BMPR2: variants seen among roughly 807,000 people sequenced by gnomAD.
The protein encoded by BMPR2 is bone morphogenetic protein receptor type 2.
Under a neutral mutation model 100.8 loss-of-function variants are expected in BMPR2, and 29 were observed. The ratio of observed to expected loss-of-function variants is 0.29; its 90% CI spans 0.21 to 0.39. BMPR2 has a LOEUF of 0.39. BMPR2 is among the 10% of genes least tolerant of loss of function. The probability of loss-of-function intolerance (pLI) is 1.00; values close to 1 mark genes in which losing one functional copy is unlikely to be tolerated. For synonymous variants in BMPR2, 382 were observed against 442.3 expected, an observed-to-expected ratio of 0.86 and a Z score of 1.71; for missense variants, 1,011 against 1,274.5, an observed-to-expected ratio of 0.79 and a Z score of 3.15.
rs1010586313 is a variant in BMPR2, at chr2:202,563,417, A to T, written c.*3471A>T. On this transcript the variant is annotated 3_prime_UTR_variant, in exon 13 of 13. Coordinates refer to ENST00000374580, the MANE Select transcript of BMPR2 (RefSeq NM_001204.7). ...GCGCCACTGCACTGCAGCCTAGGCG[A>T]CAGAGCAAGACTGCCTCAAAAAAAA... is the stretch of plus-strand genomic sequence containing the variant. 1 of 152,158 alleles carries T rather than the reference A, an allele frequency of 6.6e-6. No homozygotes were observed. Among genetic ancestry groups the T allele is most frequent in the Middle Eastern group, 3.2e-3 (1 of 316 alleles). 9.4% of individuals were successfully genotyped at this position (152,158 alleles called of 1,614,324 possible).
chr2:202,479,166 T>C (rs533581713), intron 3 of BMPR2, among the ~76,000 whole-genome samples: 5 of 152,214 alleles, frequency 3.3e-5, no homozygotes, highest in Non-Finnish European at 7.3e-5. Context: ...GCTGATGTGT[T>C]CTCTCTGGCT....
chr2:202,554,498 A>T (rs1473274442), intron 11 of BMPR2, among the ~76,000 whole-genome samples: 1 of 151,996 alleles, frequency 6.6e-6, no homozygotes, highest in Admixed American at 6.6e-5. Flanking sequence ...ATGTCTCCTT[A>T]GCTTCCTTTT....
rs1687443127 is a variant in BMPR2, at chr2:202,503,333, G to A, written c.419-10386G>A. Reference sequence around the variant, plus strand: ...ACTGCATTGTGGGAGCCCCTTTCTGGGCTGGCCAAGGCCGGAGCCCACTCC... The same window carrying A: ...ACTGCATTGTGGGAGCCCCTTTCTGAGCTGGCCAAGGCCGGAGCCCACTCC... On this transcript the variant is annotated intron_variant, in intron 3 of 12. Transcript: ENST00000374580. This position sits in a 1 kb window ranked among gnomAD's most constrained non-coding sequence, Gnocchi z 4.0. Among the ~76,000 whole-genome samples, 2 of 152,218 alleles carry A rather than the reference G, an allele frequency of 1.3e-5. No homozygotes were observed. The highest frequency in any genetic ancestry group is 4.8e-5 in the African/African-American group (2 of 41,472).
chr2:202,483,166 T>C (rs1427643234), intron 3 of BMPR2, among the ~76,000 whole-genome samples: 1 of 152,164 alleles, frequency 6.6e-6, no homozygotes, highest in Admixed American at 6.5e-5. Flanking sequence ...TTTGGAAAAA[T>C]ACCTATTCAG....
At chr2:202,462,829 C>T (rs2105957952) in intron 1 of BMPR2, among the ~76,000 whole-genome samples, 1 of 152,022 alleles carries the variant, frequency 6.6e-6, no homozygotes, top group Non-Finnish European at 1.5e-5. Context: ...TCTCTTGCCT[C>T]AGCTCCTGAA....
rs780760956 is a variant in BMPR2 at position 202,518,910 on chromosome 2, G to A, written c.710G>A (p.Arg237His). 9.9e-6 allele frequency: 16 copies of A among 1,614,058 alleles called. No individual in the cohort carries two copies. Among genetic ancestry groups the A allele is most frequent in the South Asian group, 2.2e-5 (2 of 91,084 alleles). Residue 237 changes from arginine to histidine, a missense_variant, in exon 6 of 13, where the codon CGT (arginine) becomes CAT (histidine). Physicochemically the swap from Arg to His is conservative, Grantham distance 29. This residue lies in a region of BMPR2 where 355 missense variants were observed against 455.3 expected (regional missense o/e 0.78). Coordinates refer to ENST00000374580, the MANE Select transcript of BMPR2 (RefSeq NM_001204.7). ...GTAAAAGTGTTTTCCTTTGCAAACC[G>A]TCAGAATTTTATCAACGAAAAGAAC... is the stretch of plus-strand genomic sequence containing the variant. Reference protein sequence around the residue: ...VAVKVFSFANRQNFINEKNIY... With the variant: ...VAVKVFSFANHQNFINEKNIY...
intron 10 of BMPR2, among the ~76,000 whole-genome samples, chr2:202,549,191 CTATT>C (rs1559072134): frequency 6.6e-6 from 1 of 151,796 alleles, no homozygotes; most frequent in East Asian, 1.9e-4. Context: ...TTATAATTAA[CTATT>C]AGTTATAATT....
chr2:202,455,594 C>CT (rs1169755083), intron 1 of BMPR2, among the ~76,000 whole-genome samples: 1 of 152,152 alleles, frequency 6.6e-6, no homozygotes, highest in Non-Finnish European at 1.5e-5. Context: ...TTGAAGTCTG[C>CT]TTTCCTCAGT....
intron 1 of BMPR2, among the ~76,000 whole-genome samples, chr2:202,440,780 G>C (rs1208254484): frequency 1.3e-5 from 2 of 149,400 alleles, no homozygotes; most frequent in African/African-American, 5.1e-5. Context: ...ATCAGAGGGA[G>C]ACCGGGGAGA....
chr2:202,464,775 ATAAT>A, intron 1 of BMPR2, 30 bp from the exon 2 acceptor site: 1 of 1,581,058 alleles, frequency 6.3e-7, no homozygotes, highest in Non-Finnish European at 8.6e-7. Context: ...AAAACATTAA[ATAAT>A]TTGTCATTCC....
chr2:202,459,682 C>A (rs1048434119), intron 1 of BMPR2, among the ~76,000 whole-genome samples: 1 of 152,136 alleles, frequency 6.6e-6, no homozygotes, highest in Non-Finnish European at 1.5e-5. Flanking sequence ...CCATTCTGGA[C>A]ATAGGAACAG....
At chr2:202,461,017 T>A (rs1019634469) in intron 1 of BMPR2, among the ~76,000 whole-genome samples, 45 of 150,944 alleles carry the variant, frequency 3.0e-4, no homozygotes, top group Admixed American at 8.5e-4. Flanking sequence ...TATTTAAAAA[T>A]TTTTTAATTC....
Position 202,542,318 on chromosome 2 carries a change from C to G in BMPR2, c.1284C>G (p.Ser428=), listed in dbSNP as rs772817229. ...TTTTCTACAAATCCACAGGGGAATCCGTACCAGAGTACCAGATGGCTTTTC... is the reference window on the plus strand; with the variant it reads ...TTTTCTACAAATCCACAGGGGAATCGGTACCAGAGTACCAGATGGCTTTTC... ...MRCTDLFPGE[S]VPEYQMAFQT... Residue 428 remains serine, a synonymous_variant, in exon 10 of 13, where the codon TCC becomes TCG. Coordinates refer to ENST00000374580, the MANE Select transcript of BMPR2 (RefSeq NM_001204.7). The G allele has an allele frequency of 1.2e-5, 19 of 1,613,774 alleles. No individual in the cohort carries two copies. The highest frequency in any genetic ancestry group is 1.6e-5 in the Non-Finnish European group (19 of 1,179,876).
intron 9 of BMPR2, among the ~76,000 whole-genome samples, chr2:202,533,646 A>G (rs1688069446): frequency 6.6e-6 from 1 of 152,130 alleles, no homozygotes; most frequent in South Asian, 2.1e-4. Flanking sequence ...AATATGGTGA[A>G]ACCCCATGTC....
rs200801079 is a variant in BMPR2 at position 202,563,977 on chromosome 2, ATATT to A, written c.*4034_*4037del. On this transcript the variant is annotated 3_prime_UTR_variant, in exon 13 of 13. Coordinates refer to ENST00000374580, the MANE Select transcript of BMPR2 (RefSeq NM_001204.7). ...ATGTGCATTGGTTCTGAATGTGAAA[ATATT>A]TAAAGAGAGAAAGGAACACTCAAGT... 1.3e-5 allele frequency: 2 copies of A among 152,202 alleles called. No homozygotes were observed. The highest frequency in any genetic ancestry group is 3.8e-4 in the East Asian group (2 of 5,204). The allele number at this position is 152,202 out of a possible 1,614,324, so 9.4% of individuals were successfully genotyped here. A position where few individuals can be genotyped will look rare whatever the true frequency, so the allele number is the denominator to read the frequency against.
At chr2:202,421,641 CAAA>C (rs759171954) in intron 1 of BMPR2, among the ~76,000 whole-genome samples, 3 of 57,582 alleles carry the variant, frequency 5.2e-5, no homozygotes, top group African/African-American at 6.4e-5. Flanking sequence ...GACTCCGTCT[CAAA>C]AAAAAAAAAA....
chr2:202,467,479 A>G lies in BMPR2; in HGVS notation c.248-40A>G, dbSNP rs372536941. ...TGTTGTTTTTCTCTTAGTTTTCTTT[A>G]TCATATTGTCTCCTTTTTTGTATTC... is the stretch of plus-strand genomic sequence containing the variant. On this transcript the variant is annotated intron_variant, in intron 2 of 12. Transcript: ENST00000374580. 6.6e-6 allele frequency: 10 copies of G among 1,505,122 alleles called. No individual in the cohort carries two copies. In the African/African-American group the frequency reaches 1.1e-4, roughly 17 times the overall value. The allele number at this position is 1,505,122 out of a possible 1,614,324, so 93.2% of individuals were successfully genotyped here. A position where few individuals can be genotyped will look rare whatever the true frequency, so the allele number is the denominator to read the frequency against.
Position 202,458,283 on chromosome 2 carries a change from CAAAAAAAAAAAA to C in BMPR2, c.77-6512_77-6501del, listed in dbSNP as rs71035009. On this transcript the variant is annotated intron_variant, in intron 1 of 12. Coordinates refer to ENST00000374580, the MANE Select transcript of BMPR2 (RefSeq NM_001204.7). ...GCAACATAGCAAGACCTTGTCTCTGCAAAAAAAAAAAAAAAAAAAAAAAAACGCACACAAAAA... is the reference window on the plus strand; with the variant it reads ...GCAACATAGCAAGACCTTGTCTCTGCAAAAAAAAAAAAACGCACACAAAAA... 1.9e-4 allele frequency among the ~76,000 whole-genome samples: 10 copies of C among 52,310 alleles called. No homozygotes were observed. The South Asian group carries it at 3.5e-3, about 18-fold the overall frequency. 34.3% of individuals were successfully genotyped at this position (52,310 alleles called of 152,430 possible).
intron 1 of BMPR2, among the ~76,000 whole-genome samples, chr2:202,406,112 G>T (rs1574431219): frequency 1.3e-5 from 2 of 152,316 alleles, no homozygotes; most frequent in East Asian, 1.9e-4. Context: ...GGACTGAGAA[G>T]AAAAGGAATT....
Sources: gnomAD v4.1 joint callset for allele counts (sites outside exome capture counted in the v4.1 genomes callset) on GRCh38, gnomAD v4.1.1 for gene constraint, gnomAD v4.1.1 regional missense constraint, Gnocchi (gnomAD v3.1) non-coding constraint, MANE v1.5 for transcripts, NCBI Gene and HGNC (gene_info 2026-07-23, HGNC 2026-07-21) for gene names.